Variants in CDK6 observed in about 807,000 individuals in gnomAD.
CDK6 encodes the protein cyclin-dependent kinase 6.
Under a neutral mutation model 37.1 loss-of-function variants are expected in CDK6, and 6 were observed. The observed-to-expected ratio is 0.16, with a 90% CI of 0.09 to 0.32. CDK6 has a LOEUF of 0.32. Among genes scored for constraint, CDK6 ranks in the 10% least tolerant of loss-of-function variants. CDK6 has a pLI of 1.00. For missense variants in CDK6, 224 were observed against 418.9 expected, an observed-to-expected ratio of 0.53 and a Z score of 4.06; for synonymous variants, 160 against 161.3, an observed-to-expected ratio of 0.99 and a Z score of 0.06.
chr7:92,670,585 T>C (rs554244044), intron 5 of CDK6, among the ~76,000 whole-genome samples: 142 of 152,358 alleles, frequency 9.3e-4, no homozygotes, highest in Middle Eastern at 3.4e-3. Flanking sequence ...TACCCAGATA[T>C]GGATTATTTT....
intron 5 of CDK6, among the ~76,000 whole-genome samples, chr7:92,638,927 T>G (rs1195610260): frequency 1.3e-5 from 2 of 152,122 alleles, no homozygotes; most frequent in Non-Finnish European, 2.9e-5. Context: ...GTGAAAAAAA[T>G]GTAGATCTTA....
At chr7:92,711,163 A>G (rs538135603) in intron 4 of CDK6, among the ~76,000 whole-genome samples, 33 of 152,360 alleles carry the variant, frequency 2.2e-4, no homozygotes, top group Non-Finnish European at 3.7e-4. Flanking sequence ...TGAAAAAAAC[A>G]TAAGCCCAAA....
intron 3 of CDK6, among the ~76,000 whole-genome samples, chr7:92,765,783 A>G (rs1005272839): frequency 6.6e-6 from 1 of 152,176 alleles, no homozygotes; most frequent in African/African-American, 2.4e-5. Flanking sequence ...AATAAATGAG[A>G]TAATTTCAGC....
intron 2 of CDK6, among the ~76,000 whole-genome samples, chr7:92,778,946 T>TATATATATATATATATAAATAA (rs1479181745): frequency 3.7e-5 from 5 of 135,000 alleles, no homozygotes; most frequent in African/African-American, 1.5e-4. Flanking sequence ...TATATATATA[T>TATATATATATATATATAAATAA]AAGATATTAT....
At position 92,833,539 on chromosome 7, in the gene CDK6, C is replaced by T; in HGVS notation, c.-216G>A. On this transcript the variant is annotated 5_prime_UTR_variant, in exon 2 of 8. Coordinates refer to ENST00000424848, the MANE Select transcript of CDK6 (RefSeq NM_001145306.2). This position sits in a 1 kb window ranked among gnomAD's most constrained non-coding sequence, Gnocchi z 6.1. ...CGGGGCTGGCGTAACCCTGGTGCCG[C>T]CGCCGCGAAACTCCGCCTGCAGAGT... is the stretch of plus-strand genomic sequence containing the variant. 1 of 543,610 alleles carries T rather than the reference C, an allele frequency of 1.8e-6. No individual in the cohort carries two copies. The highest frequency in any genetic ancestry group is 3.2e-6 in the Non-Finnish European group (1 of 313,344). 33.7% of individuals were successfully genotyped at this position (543,610 alleles called of 1,614,324 possible).
At chr7:92,689,851 T>C (rs1413724796) in intron 4 of CDK6, among the ~76,000 whole-genome samples, 1 of 152,218 alleles carries the variant, frequency 6.6e-6, no homozygotes, top group Admixed American at 6.5e-5. Flanking sequence ...ATATCTCTTG[T>C]GGTTTTGATT....
intron 2 of CDK6, among the ~76,000 whole-genome samples, chr7:92,809,909 C>T (rs527744514): frequency 2.6e-5 from 4 of 152,158 alleles, no homozygotes; most frequent in Non-Finnish European, 5.9e-5. Flanking sequence ...GCAACATCCT[C>T]GTCAGCACTT....
At chr7:92,733,069 T>A (rs1798689738) in intron 3 of CDK6, among the ~76,000 whole-genome samples, 1 of 152,214 alleles carries the variant, frequency 6.6e-6, no homozygotes, top group South Asian at 2.1e-4. Context: ...CAAATCTAAC[T>A]TAATTAAAAT....
chr7:92,680,208 G>A (rs1220656052), intron 4 of CDK6, among the ~76,000 whole-genome samples: 2 of 150,734 alleles, frequency 1.3e-5, no homozygotes, highest in South Asian at 2.1e-4. Context: ...TGAGGAGGGC[G>A]GATGACCTGA....
chr7:92,636,646 T>C (rs565355301), intron 5 of CDK6, among the ~76,000 whole-genome samples: 35 of 152,276 alleles, frequency 2.3e-4, no homozygotes, highest in African/African-American at 7.0e-4. Context: ...GGTAAAAATA[T>C]ATGTTAAAAA....
At chr7:92,644,385 G>A (rs1464352807) in intron 5 of CDK6, among the ~76,000 whole-genome samples, 2 of 152,100 alleles carry the variant, frequency 1.3e-5, no homozygotes, top group African/African-American at 2.4e-5. Context: ...TTCAAATCAC[G>A]ATTACTATCT....
rs1219940853 is a variant in CDK6, at chr7:92,609,220, A to T, written c.*5920T>A. ...TGCTTTCTGTGGTGCTGTGCTAAGG[A>T]AACTGAAAAATACTGCAATATCCTT... is the stretch of plus-strand genomic sequence containing the variant. On this transcript the variant is annotated 3_prime_UTR_variant, in exon 8 of 8. Coordinates refer to ENST00000424848, the MANE Select transcript of CDK6 (RefSeq NM_001145306.2). 3 of 232,832 alleles carry T rather than the reference A, an allele frequency of 1.3e-5. No individual in the cohort carries two copies. The highest frequency in any genetic ancestry group is 2.5e-5 in the Non-Finnish European group (3 of 117,890). The allele number at this position is 232,832 out of a possible 1,614,324, so 14.4% of individuals were successfully genotyped here. A position where few individuals can be genotyped will look rare whatever the true frequency, so the allele number is the denominator to read the frequency against.
rs910574101 is a variant in CDK6, at chr7:92,834,190, G to A, written c.-367-500C>T. On this transcript the variant is annotated intron_variant, in intron 1 of 7. Coordinates refer to ENST00000424848, the MANE Select transcript of CDK6 (RefSeq NM_001145306.2). This position sits in a 1 kb window ranked among gnomAD's most constrained non-coding sequence, Gnocchi z 4.6. ...GAGCGGAAGGACTGTGGGTCCATCC[G>A]TGTGGGGCCGCAGAATGTGGGTGGG... Among the ~76,000 whole-genome samples, 1 of 152,146 alleles carries A rather than the reference G, an allele frequency of 6.6e-6. No homozygotes were observed. Among genetic ancestry groups the A allele is most frequent in the African/African-American group, 2.4e-5 (1 of 41,430 alleles).
chr7:92,710,787 C>A (rs1479411752), intron 4 of CDK6: 1 of 985,208 alleles, frequency 1.0e-6, no homozygotes, highest in Admixed American at 6.2e-5. Context: ...TGGGGAAAAG[C>A]AGAGATGAGG....
At chr7:92,656,749 T>C (rs939410533) in intron 5 of CDK6, among the ~76,000 whole-genome samples, 2 of 152,174 alleles carry the variant, frequency 1.3e-5, no homozygotes, top group African/African-American at 2.4e-5. Flanking sequence ...AAAAATGAGA[T>C]GGTAAGTTTG....
chr7:92,712,992 G>T (rs1798136649), intron 4 of CDK6, among the ~76,000 whole-genome samples: 1 of 152,054 alleles, frequency 6.6e-6, no homozygotes, highest in Admixed American at 6.5e-5. Flanking sequence ...GCCTGTAGCT[G>T]GGACTACAGG....
intron 6 of CDK6, among the ~76,000 whole-genome samples, chr7:92,622,603 G>GAAAAC (rs930602282): frequency 6.6e-6 from 1 of 152,058 alleles, no homozygotes; most frequent in South Asian, 2.1e-4. Context: ...CTTCGCCCAG[G>GAAAAC]AAAACAAAAC....
intron 4 of CDK6, among the ~76,000 whole-genome samples, chr7:92,680,693 C>T (rs1285328250): frequency 6.6e-6 from 1 of 152,158 alleles, no homozygotes; most frequent in African/African-American, 2.4e-5. Flanking sequence ...GCTGCCTTGG[C>T]TCACATGGGG....
chr7:92,754,045 A>T (rs1799252978), intron 3 of CDK6, among the ~76,000 whole-genome samples: 1 of 152,190 alleles, frequency 6.6e-6, no homozygotes, highest in African/African-American at 2.4e-5. Context: ...AACATTCATC[A>T]CTGACAATCT....
Sources: allele counts gnomAD v4.1 joint callset (sites outside exome capture counted in the v4.1 genomes callset), GRCh38; gene constraint gnomAD v4.1.1; non-coding constraint Gnocchi (gnomAD v3.1); transcripts MANE v1.5; gene names NCBI Gene and HGNC (gene_info 2026-07-23, HGNC 2026-07-21).